The following PALLD variants were observed in gnomAD, a reference collection of about 807,000 sequenced individuals.
PALLD encodes palladin.
PALLD carries 61 observed loss-of-function variants against 123.5 expected under a neutral mutation model. The ratio of observed to expected loss-of-function variants is 0.49; its 90% CI spans 0.40 to 0.61. PALLD has a LOEUF of 0.61. Among genes scored for constraint, PALLD ranks in the 20% least tolerant of loss-of-function variants. The pLI, the probability that PALLD is intolerant of heterozygous loss-of-function variation, is 0.00. For synonymous variants in PALLD, 465 were observed against 496.4 expected, an observed-to-expected ratio of 0.94 and a Z score of 0.84; for missense variants, 1,273 against 1,377.0, an observed-to-expected ratio of 0.92 and a Z score of 1.20.
rs1806729 is a variant in PALLD at position 168,511,690 on chromosome 4, G to A, written c.186G>A (p.Lys62=). The A allele has an allele frequency of 0.31, 496,163 of 1,613,828 alleles. 78,287 individuals carry two copies. Among genetic ancestry groups the A allele is most frequent in the Non-Finnish European group, 0.32 (383,282 of 1,179,838 alleles). The change falls in exon 2 of 22, where the codon AAG becomes AAA. Residue 62 remains lysine (K), a synonymous_variant. Transcript: ENST00000505667. ...AAACAGAAGATTTTGACTCGGAAAA[G>A]GAGATCTCGCAGATTTTCAGTACTT... ...DSETEDFDSE[K]EISQIFSTSP...
chr4:168,820,111 T>C (rs1742508838), intron 10 of PALLD, among the ~76,000 whole-genome samples: 1 of 152,282 alleles, frequency 6.6e-6, no homozygotes. Flanking sequence ...TTTATAGTCT[T>C]GTCTTAGGCA....
At chr4:168,740,170 T>C (rs1044332714) in intron 10 of PALLD, among the ~76,000 whole-genome samples, 15 of 152,116 alleles carry the variant, frequency 9.9e-5, no homozygotes, top group African/African-American at 3.6e-4. Flanking sequence ...TCAGTAATCA[T>C]CACATGGTTT....
intron 10 of PALLD, among the ~76,000 whole-genome samples, chr4:168,760,240 A>G (rs893806338): frequency 6.6e-6 from 1 of 151,848 alleles, no homozygotes; most frequent in Non-Finnish European, 1.5e-5. Context: ...CAGGGTTGTC[A>G]GGTTCTTTGG....
chr4:168,816,171 T>C (rs1054085992), intron 10 of PALLD, among the ~76,000 whole-genome samples: 19 of 152,256 alleles, frequency 1.2e-4, no homozygotes, highest in African/African-American at 4.3e-4. Context: ...ATTACAGCTC[T>C]TTCTTAAATA....
At chr4:168,761,641 G>GTTTTTTTTTTTTTT in intron 10 of PALLD, among the ~76,000 whole-genome samples, 1 of 11,640 alleles carries the variant, frequency 8.6e-5, no homozygotes, top group East Asian at 2.3e-3. Context: ...TGTTGTTGTT[G>GTTTTTTTTTTTTTT]TTTGTTTTTT....
In PALLD at chr4:168,732,470, G is replaced by A. The variant is rs1395458504; in HGVS notation, c.1964+20547G>A. Among the ~76,000 whole-genome samples the A allele has an allele frequency of 3.9e-5, 6 of 152,298 alleles. No homozygotes were observed. In the East Asian group the frequency reaches 5.8e-4, roughly 15 times the overall value. On this transcript the variant is annotated intron_variant, in intron 10 of 21. Coordinates refer to ENST00000505667, the MANE Select transcript of PALLD (RefSeq NM_001166108.2). ...GCCCAGTAGCCTTTTCTAGAAAGCC[G>A]CTTGCTCTTCCACTCTTGTTTCCTC... is the stretch of plus-strand genomic sequence containing the variant.
At chr4:168,658,285 G>GTT (rs66527351) in intron 2 of PALLD, among the ~76,000 whole-genome samples, 2,329 of 131,544 alleles carry the variant, frequency 0.018, 103 homozygotes, top group African/African-American at 0.061. Flanking sequence ...TTTTTATTTG[G>GTT]TTTTTTTTTT....
At chr4:168,918,322 T>TGA (rs773187591) in intron 17 of PALLD, among the ~76,000 whole-genome samples, 2 of 83,906 alleles carry the variant, frequency 2.4e-5, no homozygotes, top group African/African-American at 6.3e-5. Context: ...AAAGAAAATA[T>TGA]GAGATATATA....
intron 2 of PALLD, among the ~76,000 whole-genome samples, chr4:168,564,061 T>C (rs996490490): frequency 1.3e-5 from 2 of 152,126 alleles, no homozygotes; most frequent in African/African-American, 4.8e-5. Flanking sequence ...TGGAAGAAAA[T>C]CTCTCTGGGC....
chr4:168,910,487 A>C lies in PALLD; in HGVS notation c.2623-3440A>C, dbSNP rs574886939. ...AGTAAATTACATTCTAATACCAAGA[A>C]AAATAAAATTCCATTACATAAACAA... On this transcript the variant is annotated intron_variant, in intron 15 of 21. Coordinates refer to ENST00000505667, the MANE Select transcript of PALLD (RefSeq NM_001166108.2). 9.2e-5 allele frequency among the ~76,000 whole-genome samples: 14 copies of C among 152,298 alleles called. No individual in the cohort carries two copies. In the South Asian group the frequency reaches 2.9e-3, roughly 32 times the overall value.
chr4:168,846,426 A>G (rs768515120), intron 10 of PALLD, among the ~76,000 whole-genome samples: 1 of 152,206 alleles, frequency 6.6e-6, no homozygotes, highest in Non-Finnish European at 1.5e-5. Context: ...TGATCAACAA[A>G]GAGTTCCTTT....
intron 10 of PALLD, among the ~76,000 whole-genome samples, chr4:168,821,162 T>C (rs1376741376): frequency 6.6e-6 from 1 of 152,208 alleles, no homozygotes; most frequent in Admixed American, 6.5e-5. Flanking sequence ...TATAAAGGAA[T>C]GATTTGAAGG....
Position 168,882,753 on chromosome 4 carries a change from C to T in PALLD, c.1965-8169C>T, listed in dbSNP as rs1206391586. On this transcript the variant is annotated intron_variant, in intron 10 of 21. Transcript: ENST00000505667. Reference sequence around the variant, plus strand: ...TAGGCAAGGCCTCCAGGATCTGCTGCGACTGGGTTATTCTGTTGAAATGTC... The same window carrying T: ...TAGGCAAGGCCTCCAGGATCTGCTGTGACTGGGTTATTCTGTTGAAATGTC... 2.6e-5 allele frequency among the ~76,000 whole-genome samples: 4 copies of T among 152,106 alleles called. No homozygotes were observed. The East Asian group carries it at 5.8e-4, about 22-fold the overall frequency.
At chr4:168,664,445 G>T (rs912197280) in intron 2 of PALLD, among the ~76,000 whole-genome samples, 3 of 152,114 alleles carry the variant, frequency 2.0e-5, no homozygotes, top group African/African-American at 7.2e-5. Flanking sequence ...TTCAGCAACC[G>T]CATATGGCAA....
chr4:168,744,922 G>A (rs189733001), intron 10 of PALLD, among the ~76,000 whole-genome samples: 10 of 152,266 alleles, frequency 6.6e-5, no homozygotes, highest in Admixed American at 2.0e-4. Flanking sequence ...TAGGTTAGGC[G>A]TATTAAATGC....
At position 168,782,707 on chromosome 4, in the gene PALLD, G is replaced by A. The variant is rs147612866; in HGVS notation, c.1964+70784G>A. 8.1e-3 allele frequency among the ~76,000 whole-genome samples: 1,232 copies of A among 151,946 alleles called. 6 individuals are homozygous for A. Among genetic ancestry groups the A allele is most frequent in the Middle Eastern group, 0.024 (7 of 294 alleles). Reference sequence around the variant, plus strand: ...GTGGATCACTTGAGGTCAGGAGTTCGAGACCAGCGTAGCCAACATGGTGAA... The same window carrying A: ...GTGGATCACTTGAGGTCAGGAGTTCAAGACCAGCGTAGCCAACATGGTGAA... On this transcript the variant is annotated intron_variant, in intron 10 of 21. Transcript: ENST00000505667.
intron 2 of PALLD, among the ~76,000 whole-genome samples, chr4:168,632,950 T>G (rs930539031): frequency 2.0e-5 from 3 of 152,152 alleles, no homozygotes; most frequent in African/African-American, 4.8e-5. Flanking sequence ...GATGGAATGT[T>G]AGGAGAGGGG....
intron 10 of PALLD, among the ~76,000 whole-genome samples, chr4:168,777,092 G>GCA (rs199611253): frequency 0.021 from 3,204 of 151,562 alleles, 106 homozygotes; most frequent in African/African-American, 0.074. Context: ...ACACACAGAG[G>GCA]CACACACATA....
At chr4:168,882,240 CG>C (rs1229060525) in intron 10 of PALLD, among the ~76,000 whole-genome samples, 1 of 152,132 alleles carries the variant, frequency 6.6e-6, no homozygotes, top group Non-Finnish European at 1.5e-5. Flanking sequence ...TCATAGGAAA[CG>C]GGTAGGTGGG....
Sources: gnomAD v4.1 joint callset for allele counts (sites outside exome capture counted in the v4.1 genomes callset) on GRCh38, gnomAD v4.1.1 for gene constraint, MANE v1.5 for transcripts, NCBI Gene and HGNC (gene_info 2026-07-23, HGNC 2026-07-21) for gene names.